The following FAM186A variants were observed in gnomAD, a reference collection of about 807,000 sequenced individuals.
FAM186A encodes family with sequence similarity 186 member A, also known as protein FAM186A.
A neutral mutation model predicts 216.8 loss-of-function variants in FAM186A; 163 were observed. That is an observed-to-expected ratio of 0.75 (90% CI 0.66 to 0.86). FAM186A has a LOEUF of 0.86. Ranked by LOEUF, FAM186A falls within the 40% of genes least tolerant of loss-of-function variation. The pLI is 0.00. For synonymous variants in FAM186A, 805 were observed against 1,025.3 expected, an observed-to-expected ratio of 0.79 and a Z score of 4.10; for missense variants, 2,184 against 2,746.2, an observed-to-expected ratio of 0.80 and a Z score of 4.58.
rs1055987561 is a variant in FAM186A at position 50,361,012 on chromosome 12, C to T, written c.413-86G>A. 5.4e-5 allele frequency: 54 copies of T among 992,932 alleles called. No homozygotes were observed. In the African/African-American group the frequency reaches 7.1e-4, roughly 13 times the overall value. 61.5% of individuals were successfully genotyped at this position (992,932 alleles called of 1,614,324 possible). A position where few individuals can be genotyped will look rare whatever the true frequency, so the allele number is the denominator to read the frequency against. Reference sequence around the variant, plus strand: ...AGGCTTATAATATTGGGTAACTACTCAATACAGTAATATTGGGGAATATAG... The same window carrying T: ...AGGCTTATAATATTGGGTAACTACTTAATACAGTAATATTGGGGAATATAG... On this transcript the variant is annotated intron_variant, in intron 2 of 7. Transcript: ENST00000327337.
In FAM186A at chr12:50,351,014, G is replaced by T; in HGVS notation, c.5818C>A (p.Pro1940Thr). The change falls in exon 4 of 8, where the codon CCT becomes ACT. Residue 1940 changes from proline (P) to threonine (T), a missense_variant. By Grantham distance (38) the Pro-to-Thr change is conservative (BLOSUM62 -1). Coordinates refer to ENST00000327337, the MANE Select transcript of FAM186A (RefSeq NM_001145475.3). ...GACCAACTTTTCTGGGGCTTTCCAG[G>T]GGCTGGGGACGGCCATAGTGTGGGA... ...HPPTLWPSPA[P>T]GKPQKSWSPS... 6.4e-7 allele frequency: 1 copy of T among 1,551,502 alleles called. No homozygotes were observed. Among genetic ancestry groups the T allele is most frequent in the South Asian group, 1.2e-5 (1 of 84,030 alleles).
Position 50,350,566 on chromosome 12 carries a change from T to G in FAM186A, c.6266A>C (p.Lys2089Thr). The change falls in exon 4 of 8, where the codon AAA (lysine) becomes ACA (threonine). Residue 2089 changes from lysine (K) to threonine (T), a missense_variant. Around this residue, in one of 7 missense-constraint regions of FAM186A, gnomAD observed 721 missense variants for 816.4 expected, o/e 0.88. Transcript: ENST00000327337. ...LSSVSDTKKP[K>T]VMVPPSSPQE... ...AGGAGAGGAAGGGGGCACCATTACT[T>G]TGGGTTTCTTGGTATCTGAAACTGA... 6.4e-7 allele frequency: 1 copy of G among 1,551,592 alleles called. No individual in the cohort carries two copies. Among genetic ancestry groups the G allele is most frequent in the Non-Finnish European group, 8.7e-7 (1 of 1,146,986 alleles).
At position 50,363,163 on chromosome 12, in the gene FAM186A, C is replaced by A. The variant is rs1943052741; in HGVS notation, c.394G>T (p.Ala132Ser). ...AACTTACTCCATTCTTCCAACCAGGCCAGAATGTTGGCAAGAGTCTTTTCT... is the reference window on the plus strand; with the variant it reads ...AACTTACTCCATTCTTCCAACCAGGACAGAATGTTGGCAAGAGTCTTTTCT... ...IREKTLANIL[A>S]WLEEWNDVLS... Residue 132 changes from alanine to serine, a missense_variant, in exon 2 of 8, where the codon GCC (alanine) becomes TCC (serine). Coordinates refer to ENST00000327337, the MANE Select transcript of FAM186A (RefSeq NM_001145475.3). 6.5e-7 allele frequency: 1 copy of A among 1,549,996 alleles called. No homozygotes were observed. The highest frequency in any genetic ancestry group is 2.4e-5 in the East Asian group (1 of 40,880).
At chr12:50,387,617 T>G (rs1943316147) in intron 1 of FAM186A, among the ~76,000 whole-genome samples, 1 of 152,218 alleles carries the variant, frequency 6.6e-6, no homozygotes, top group African/African-American at 2.4e-5. Flanking sequence ...CAATCAGATA[T>G]GATGTTTACA....
chr12:50,346,077 A>G (rs1942808844), intron 4 of FAM186A, among the ~76,000 whole-genome samples: 1 of 146,920 alleles, frequency 6.8e-6, no homozygotes, highest in African/African-American at 2.5e-5. Flanking sequence ...GAGGCTGTGT[A>G]GAAGGATTGC....
intron 1 of FAM186A, among the ~76,000 whole-genome samples, chr12:50,379,734 C>T (rs1042193374): frequency 6.1e-4 from 92 of 151,522 alleles, no homozygotes; most frequent in African/African-American, 2.2e-3. Flanking sequence ...TGCAGTGAGC[C>T]AAGATCGCGC....
At chr12:50,341,745 G>C (rs961951434) in intron 4 of FAM186A, among the ~76,000 whole-genome samples, 2 of 152,050 alleles carry the variant, frequency 1.3e-5, no homozygotes, top group African/African-American at 4.8e-5. Context: ...TGATGCAGGA[G>C]AATTCCCTGA....
chr12:50,348,628 C>T (rs1025574020), intron 4 of FAM186A, among the ~76,000 whole-genome samples: 2 of 151,998 alleles, frequency 1.3e-5, no homozygotes, highest in Non-Finnish European at 2.9e-5. Context: ...GGCTCAATCT[C>T]GGCTCACTGC....
chr12:50,389,356 C>A (rs560662641), intron 1 of FAM186A, among the ~76,000 whole-genome samples: 1 of 151,896 alleles, frequency 6.6e-6, no homozygotes, highest in Non-Finnish European at 1.5e-5. Context: ...CAAAATTAGC[C>A]GGGCATGGTG....
intron 4 of FAM186A, among the ~76,000 whole-genome samples, chr12:50,341,708 A>T (rs1446160035): frequency 1.3e-5 from 2 of 152,150 alleles, no homozygotes; most frequent in African/African-American, 4.8e-5. Context: ...AGTGATGTGC[A>T]TCTGTAATCC....
Position 50,380,244 on chromosome 12 carries a change from A to C in FAM186A, c.192+16049T>G, listed in dbSNP as rs1049001998. 1.5e-4 allele frequency among the ~76,000 whole-genome samples: 23 copies of C among 152,332 alleles called. 1 individual carries two copies. The highest frequency in any genetic ancestry group is 9.8e-4 in the Admixed American group (15 of 15,284). ...AAACAGTATATTGAGTGGACAATGT[A>C]AGGTTAAATATAAAACAATGGTACA... On this transcript the variant is annotated intron_variant, in intron 1 of 7. Coordinates refer to ENST00000327337, the MANE Select transcript of FAM186A (RefSeq NM_001145475.3).
chr12:50,327,682 C>G (rs553583536), intron 7 of FAM186A, among the ~76,000 whole-genome samples: 9 of 152,068 alleles, frequency 5.9e-5, no homozygotes, highest in Admixed American at 2.6e-4. Context: ...GCAGGGACCA[C>G]AGGTGCACAC....
chr12:50,350,140 C>T (rs1942859636), intron 4 of FAM186A, among the ~76,000 whole-genome samples, 189 bp downstream of exon 4: 1 of 152,090 alleles, frequency 6.6e-6, no homozygotes. Flanking sequence ...CGTTATATGT[C>T]ATTTCTTATT....
intron 4 of FAM186A, among the ~76,000 whole-genome samples, chr12:50,349,423 A>C (rs1942853088): frequency 6.6e-6 from 1 of 151,934 alleles, no homozygotes; most frequent in Non-Finnish European, 1.5e-5. Context: ...CCCTGGGCTC[A>C]AGTGATCCTC....
chr12:50,355,871 G>C lies in FAM186A; in HGVS notation c.961C>G (p.Gln321Glu). ...NENEMLQQKL[Q>E]DAEEKCEQLI... is the part of the protein sequence containing the mutation. ...TGTTCACATTTTTCTTCTGCATCTT[G>C]AAGTTTCTGCTGAAGCATTTCATTT... Residue 321 changes from glutamine (Q) to glutamate (E), a missense_variant, in exon 4 of 8, where the codon CAA becomes GAA. Gln to Glu is a conservative substitution (Grantham distance 29). This residue lies in a region of FAM186A where 1,132 missense variants were observed against 1,263.4 expected (regional missense o/e 0.90). Transcript: ENST00000327337. The C allele has an allele frequency of 6.4e-7, 1 of 1,551,208 alleles. No homozygotes were observed. The highest frequency in any genetic ancestry group is 8.7e-7 in the Non-Finnish European group (1 of 1,146,936).
At chr12:50,392,301 G>C (rs1943364672) in intron 1 of FAM186A, 1 of 170,892 alleles carries the variant, frequency 5.9e-6, no homozygotes, top group Admixed American at 6.0e-5. Context: ...GTTTTGAGAC[G>C]GAGTCTCGCT....
chr12:50,343,567 G>GCTGGGA (rs1398110470), intron 4 of FAM186A, among the ~76,000 whole-genome samples: 5 of 152,036 alleles, frequency 3.3e-5, no homozygotes, highest in African/African-American at 1.2e-4. Flanking sequence ...TTCCTGAGTA[G>GCTGGGA]CTGGGACTAC....
At position 50,370,123 on chromosome 12, in the gene FAM186A, C is replaced by CAAA. The variant is rs56403101; in HGVS notation, c.193-6762_193-6760dup. ...TGGGCGACAGAGCGAGACTCCATCTCAAAAAAAAAAAAAAAAAAAAAAAAG... is the reference window on the plus strand; with the variant it reads ...TGGGCGACAGAGCGAGACTCCATCTCAAAAAAAAAAAAAAAAAAAAAAAAAAAG... On this transcript the variant is annotated intron_variant, in intron 1 of 7. Coordinates refer to ENST00000327337, the MANE Select transcript of FAM186A (RefSeq NM_001145475.3). Among the ~76,000 whole-genome samples, 91 of 38,172 alleles carry CAAA rather than the reference C, an allele frequency of 2.4e-3. 1 individual carries two copies. Among genetic ancestry groups the CAAA allele is most frequent in the Middle Eastern group, 0.036 (1 of 28 alleles). The allele number at this position is 38,172 out of a possible 152,430, so 25.0% of individuals were successfully genotyped here. A position where few individuals can be genotyped will look rare whatever the true frequency, so the allele number is the denominator to read the frequency against.
intron 4 of FAM186A, among the ~76,000 whole-genome samples, chr12:50,346,201 A>G (rs183870010): frequency 3.9e-5 from 3 of 76,682 alleles, no homozygotes; most frequent in African/African-American, 8.7e-5. Flanking sequence ...GAAAGAAAGA[A>G]AGAGAGAGAG....
Sources: allele counts gnomAD v4.1 joint callset (sites outside exome capture counted in the v4.1 genomes callset), GRCh38; gene constraint gnomAD v4.1.1; regional missense constraint gnomAD v4.1.1; transcripts MANE v1.5; gene names NCBI Gene and HGNC (gene_info 2026-07-23, HGNC 2026-07-21).